MRPL42: variants seen among roughly 807,000 people sequenced by gnomAD.
MRPL42 encodes the protein large ribosomal subunit protein mL42.
A neutral mutation model predicts 17.9 loss-of-function variants in MRPL42; 17 were observed. The ratio of observed to expected loss-of-function variants is 0.95; its 90% CI spans 0.65 to 1.42. MRPL42 has a LOEUF of 1.42. MRPL42 is among the 40% of genes most tolerant of loss of function. MRPL42 has a pLI of 0.00. For missense variants in MRPL42, 177 were observed against 175.2 expected, an observed-to-expected ratio of 1.01 and a Z score of -0.06; for synonymous variants, 59 against 54.4, an observed-to-expected ratio of 1.08 and a Z score of -0.37.
intron 3 of MRPL42, among the ~76,000 whole-genome samples, chr12:93,478,844 G>A (rs961759340): frequency 6.6e-6 from 1 of 152,024 alleles, no homozygotes; most frequent in African/African-American, 2.4e-5. Context: ...TGTGTCCTGT[G>A]TTATGGGTAC....
At chr12:93,482,471 G>C (rs1035547185) in intron 4 of MRPL42, among the ~76,000 whole-genome samples, 2 of 152,012 alleles carry the variant, frequency 1.3e-5, no homozygotes, top group Non-Finnish European at 2.9e-5. Flanking sequence ...CTTTGAACTT[G>C]GTAGGTGCAC....
At chr12:93,470,149 A>G (rs1879839721) in intron 2 of MRPL42, among the ~76,000 whole-genome samples, 1 of 152,214 alleles carries the variant, frequency 6.6e-6, no homozygotes, top group Admixed American at 6.5e-5. Context: ...TGTTTTTTCT[A>G]TGTACCTAGC....
At chr12:93,497,183 C>T (rs1953522269) in intron 5 of MRPL42, among the ~76,000 whole-genome samples, 1 of 152,038 alleles carries the variant, frequency 6.6e-6, no homozygotes. Flanking sequence ...CCCCCAACAA[C>T]AACAACAAAA....
At position 93,503,558 on chromosome 12, in the gene MRPL42, T is replaced by G. The variant is rs1313553624; in HGVS notation, c.*2337T>G. ...ACCATGCCTGGCTAATTGTTTTAAT[T>G]TTTTTTATAGAGACGGGGTTTCGCC... is the stretch of plus-strand genomic sequence containing the variant. On this transcript the variant is annotated 3_prime_UTR_variant, in exon 6 of 6. Transcript: ENST00000549982. The G allele has an allele frequency of 1.3e-5, 2 of 151,990 alleles. No individual in the cohort carries two copies. The highest frequency in any genetic ancestry group is 4.8e-5 in the African/African-American group (2 of 41,360). 9.4% of individuals were successfully genotyped at this position (151,990 alleles called of 1,614,324 possible).
rs1953609550 is a variant in MRPL42, at chr12:93,502,441, A to G, written c.*1220A>G. 6.6e-6 allele frequency: 1 copy of G among 152,204 alleles called. No individual in the cohort carries two copies. Among genetic ancestry groups the G allele is most frequent in the Admixed American group, 6.5e-5 (1 of 15,274 alleles). 9.4% of individuals were successfully genotyped at this position (152,204 alleles called of 1,614,324 possible). On this transcript the variant is annotated 3_prime_UTR_variant, in exon 6 of 6. Transcript: ENST00000549982. ...CAGTATTTGTAAAATTGATATGAAAAATAATTTCTCAAAGTCTATTGTTTG... is the reference window on the plus strand; with the variant it reads ...CAGTATTTGTAAAATTGATATGAAAGATAATTTCTCAAAGTCTATTGTTTG...
intron 5 of MRPL42, chr12:93,488,192 G>C: frequency 2.7e-6 from 1 of 376,450 alleles, no homozygotes; most frequent in Non-Finnish European, 4.7e-6. Context: ...GGATGGTCTC[G>C]AACTCCTGAC....
chr12:93,486,568 C>T (rs2121229675), intron 4 of MRPL42, among the ~76,000 whole-genome samples: 1 of 152,188 alleles, frequency 6.6e-6, no homozygotes, highest in African/African-American at 2.4e-5. Flanking sequence ...GAACTCCTGA[C>T]CTCAGGTGAT....
chr12:93,497,227 C>T (rs1371235221), intron 5 of MRPL42, among the ~76,000 whole-genome samples: 1 of 152,130 alleles, frequency 6.6e-6, no homozygotes, highest in Non-Finnish European at 1.5e-5. Context: ...CCAACTCATT[C>T]TACAAAAACG....
intron 5 of MRPL42, among the ~76,000 whole-genome samples, chr12:93,497,898 A>G (rs1953535876): frequency 6.7e-6 from 1 of 149,634 alleles, no homozygotes; most frequent in Non-Finnish European, 1.5e-5. Flanking sequence ...TTGGTCCTGC[A>G]TTACCTCTCT....
rs951848228 is a variant in MRPL42 at position 93,505,188 on chromosome 12, A to T, written c.*3967A>T. On this transcript the variant is annotated 3_prime_UTR_variant, in exon 6 of 6. Transcript: ENST00000549982. ...AACACCTAATAACATTAGAACTGAA[A>T]TGATAGTGATATGCAAGATAGCACG... 6.6e-6 allele frequency: 1 copy of T among 152,220 alleles called. No individual in the cohort carries two copies. The highest frequency in any genetic ancestry group is 1.5e-5 in the Non-Finnish European group (1 of 68,040). The allele number at this position is 152,220 out of a possible 1,614,324, so 9.4% of individuals were successfully genotyped here.
chr12:93,515,386 T>C lies in MRPL42; in HGVS notation c.*14165T>C, dbSNP rs1953769746. ...GGCAACTATTTTTTTTTTTTTTTTTTGAGACAGAGACTTGCTGTGTTGCCC... is the reference window on the plus strand; with the variant it reads ...GGCAACTATTTTTTTTTTTTTTTTTCGAGACAGAGACTTGCTGTGTTGCCC... On this transcript the variant is annotated 3_prime_UTR_variant, in exon 6 of 6. Transcript: ENST00000549982. 8.4e-6 allele frequency: 1 copy of C among 118,500 alleles called. No homozygotes were observed. Among genetic ancestry groups the C allele is most frequent in the East Asian group, 2.5e-4 (1 of 3,944 alleles). The allele number at this position is 118,500 out of a possible 1,614,324, so 7.3% of individuals were successfully genotyped here. A position where few individuals can be genotyped will look rare whatever the true frequency, so the allele number is the denominator to read the frequency against.
chr12:93,468,307 TG>T (rs11314464), intron 1 of MRPL42, among the ~76,000 whole-genome samples: 78,413 of 151,918 alleles, frequency 0.52, 20,324 homozygotes, highest in Non-Finnish European at 0.53. Flanking sequence ...TTATCACTAT[TG>T]GGGGGAAGGG....
intron 4 of MRPL42, among the ~76,000 whole-genome samples, chr12:93,483,318 G>C (rs1205206444): frequency 6.6e-6 from 1 of 152,164 alleles, no homozygotes; most frequent in East Asian, 1.9e-4. Flanking sequence ...TATGTTCTGA[G>C]AAATGCATTG....
chr12:93,473,008 T>C (rs1005687803), intron 2 of MRPL42, among the ~76,000 whole-genome samples: 3 of 152,208 alleles, frequency 2.0e-5, no homozygotes, highest in African/African-American at 7.2e-5. Context: ...TCCTTTTCTG[T>C]AGCAAGGTAA....
chr12:93,487,648 A>T lies in MRPL42; in HGVS notation c.371A>T (p.Tyr124Phe). The change falls in exon 5 of 6, where the codon TAT (tyrosine) becomes TTT (phenylalanine). Residue 124 changes from tyrosine to phenylalanine, a missense_variant. By Grantham distance (22) the Tyr-to-Phe change is conservative (BLOSUM62 3). Coordinates refer to ENST00000549982, the MANE Select transcript of MRPL42 (RefSeq NM_014050.4). ...KMFFTTKHRW[Y>F]PHGRYHRCRK... ...TTCTTTACTACTAAGCACCGTTGGT[A>T]TCCTCATGGACGGTAAGTTTTCTTT... 6.2e-7 allele frequency: 1 copy of T among 1,611,572 alleles called. No individual in the cohort carries two copies. The highest frequency in any genetic ancestry group is 8.5e-7 in the Non-Finnish European group (1 of 1,178,364).
chr12:93,477,524 A>G (rs1466108648), intron 3 of MRPL42, among the ~76,000 whole-genome samples: 1 of 152,090 alleles, frequency 6.6e-6, no homozygotes, highest in African/African-American at 2.4e-5. Flanking sequence ...ACTGCAACCT[A>G]TTTTCTTAAT....
In MRPL42 at chr12:93,470,626, T is replaced by C. The variant is rs1012379073; in HGVS notation, c.70+1271T>C. On this transcript the variant is annotated intron_variant, in intron 2 of 5. Coordinates refer to ENST00000549982, the MANE Select transcript of MRPL42 (RefSeq NM_014050.4). ...AACTCTTCCCTCCATCCCTCCATTC[T>C]GTTTTGAGTCCCCAGTGTTTATTGT... 1.8e-5 allele frequency: 20 copies of C among 1,082,220 alleles called. No homozygotes were observed. In the African/African-American group the frequency reaches 2.9e-4, roughly 16 times the overall value. 67.0% of individuals were successfully genotyped at this position (1,082,220 alleles called of 1,614,324 possible).
At chr12:93,471,681 A>G (rs1459668125) in intron 2 of MRPL42, among the ~76,000 whole-genome samples, 1 of 152,218 alleles carries the variant, frequency 6.6e-6, no homozygotes, top group Non-Finnish European at 1.5e-5. Flanking sequence ...GGCCCTAAAC[A>G]TAGAAACATT....
chr12:93,500,242 T>C (rs139850474), intron 5 of MRPL42, among the ~76,000 whole-genome samples: 2 of 152,340 alleles, frequency 1.3e-5, no homozygotes, highest in East Asian at 3.9e-4. Flanking sequence ...TTTTTCTATA[T>C]TCCTTTGGGA....
Sources: gnomAD v4.1 joint callset for allele counts (sites outside exome capture counted in the v4.1 genomes callset) on GRCh38, gnomAD v4.1.1 for gene constraint, MANE v1.5 for transcripts, NCBI Gene and HGNC (gene_info 2026-07-23, HGNC 2026-07-21) for gene names.